Variants in SNX29 observed in about 807,000 individuals in gnomAD.
SNX29 encodes the protein sorting nexin-29.
In SNX29, 78 loss-of-function variants were observed where a neutral mutation model predicts 102.1. The ratio of observed to expected loss-of-function variants is 0.76; its 90% CI spans 0.64 to 0.92. The LOEUF (loss-of-function observed/expected upper bound fraction) is 0.92, where lower values mean the gene tolerates loss of function less well. SNX29 is among the 40% of genes least tolerant of loss of function. The pLI, the probability that SNX29 is intolerant of heterozygous loss-of-function variation, is 0.00. For synonymous variants in SNX29, 580 were observed against 414.5 expected (o/e 1.40, Z -4.85); for missense variants, 1,280 against 1,061.7 (o/e 1.21, Z -2.86).
intron 20 of SNX29, among the ~76,000 whole-genome samples, chr16:12,546,997 A>G (rs945499148): frequency 6.6e-6 from 1 of 152,098 alleles, no homozygotes; most frequent in African/African-American, 2.4e-5. Context: ...ACAGTGCACC[A>G]TTTCAGATCC....
chr16:12,355,393 G>A (rs1019342711), intron 15 of SNX29, among the ~76,000 whole-genome samples: 6 of 152,066 alleles, frequency 3.9e-5, no homozygotes, highest in Admixed American at 6.5e-5. Flanking sequence ...TATTGTTTTC[G>A]CACTGCATAC....
At chr16:12,439,406 G>C (rs537532559) in intron 18 of SNX29, among the ~76,000 whole-genome samples, 1 of 152,296 alleles carries the variant, frequency 6.6e-6, no homozygotes, top group Non-Finnish European at 1.5e-5. Context: ...TTACACTTGT[G>C]ATAAAGACAT....
At chr16:12,209,281 C>A (rs2077122923) in intron 14 of SNX29, among the ~76,000 whole-genome samples, 1 of 152,170 alleles carries the variant, frequency 6.6e-6, no homozygotes, top group Non-Finnish European at 1.5e-5. Flanking sequence ...CCTCTGCCTC[C>A]TGAGTTCAAG....
chr16:12,001,806 C>T (rs1236464148), intron 2 of SNX29, among the ~76,000 whole-genome samples: 4 of 152,004 alleles, frequency 2.6e-5, no homozygotes, highest in Admixed American at 2.0e-4. Flanking sequence ...TATCTTGAGG[C>T]CAGGGGTGTG....
chr16:12,409,160 G>C (rs2084292101), intron 18 of SNX29, among the ~76,000 whole-genome samples: 2 of 152,208 alleles, frequency 1.3e-5, no homozygotes, highest in African/African-American at 2.4e-5. Flanking sequence ...GCTGATGCGT[G>C]GCTGCTGGCA....
rs373728835 is a variant in SNX29 at position 12,044,983 on chromosome 16, A to G, written c.429-1401A>G. ...CAGTCTCAAAGTTGAAGTGACCAAC[A>G]AGAAGAAATGAGTCCAGCAGGTAAG... On this transcript the variant is annotated intron_variant, in intron 5 of 20. Transcript: ENST00000566228. 2.0e-4 allele frequency among the ~76,000 whole-genome samples: 30 copies of G among 152,322 alleles called. No homozygotes were observed. In the East Asian group the frequency reaches 5.4e-3, roughly 27 times the overall value.
At chr16:12,205,905 A>G (rs969414527) in intron 14 of SNX29, among the ~76,000 whole-genome samples, 1 of 152,222 alleles carries the variant, frequency 6.6e-6, no homozygotes, top group Non-Finnish European at 1.5e-5. Context: ...ATAAATGTTT[A>G]TAACATAAAT....
At chr16:12,154,360 G>C (rs532300632) in intron 13 of SNX29, among the ~76,000 whole-genome samples, 1 of 152,302 alleles carries the variant, frequency 6.6e-6, no homozygotes, top group South Asian at 2.1e-4. Flanking sequence ...CCCACAGTGG[G>C]AGCTGGCTTC....
intron 13 of SNX29, among the ~76,000 whole-genome samples, chr16:12,183,725 G>A (rs1295012310): frequency 1.3e-5 from 2 of 152,200 alleles, no homozygotes; most frequent in African/African-American, 2.4e-5. Context: ...GATGGTTAAG[G>A]CATTCTAAGT....
Position 12,514,959 on chromosome 16 carries a change from G to A in SNX29, c.2179-9743G>A, listed in dbSNP as rs546829937. ...AAGAAAGAGAGAAAGAAAGAAAAAA[G>A]CCCCTCTCTCGATGGGCTGCTGAGA... On this transcript the variant is annotated intron_variant, in intron 19 of 20. Coordinates refer to ENST00000566228, the MANE Select transcript of SNX29 (RefSeq NM_032167.5). 2.6e-5 allele frequency among the ~76,000 whole-genome samples: 4 copies of A among 152,114 alleles called. No individual in the cohort carries two copies. The South Asian group carries it at 8.3e-4, about 32-fold the overall frequency.
intron 10 of SNX29, among the ~76,000 whole-genome samples, chr16:12,074,661 A>G (rs1169495241): frequency 6.6e-6 from 1 of 152,104 alleles, no homozygotes; most frequent in African/African-American, 2.4e-5. Context: ...GCTCTTCTCC[A>G]GGAGTATCTT....
At chr16:12,565,049 T>C (rs2078938196) in intron 20 of SNX29, among the ~76,000 whole-genome samples, 1 of 152,174 alleles carries the variant, frequency 6.6e-6, no homozygotes, top group Non-Finnish European at 1.5e-5. Flanking sequence ...ACTGGCTTCA[T>C]TCCCCTGTAG....
chr16:12,286,906 C>G (rs192104452), intron 15 of SNX29, among the ~76,000 whole-genome samples: 439 of 152,250 alleles, frequency 2.9e-3, no homozygotes, highest in African/African-American at 0.01. Context: ...AAAAACCCCA[C>G]ATTACTGCAA....
At chr16:12,558,114 G>GAAGACCA (rs977479372) in intron 20 of SNX29, among the ~76,000 whole-genome samples, 3 of 152,200 alleles carry the variant, frequency 2.0e-5, no homozygotes, top group Admixed American at 6.5e-5. Context: ...CTGAGAATTA[G>GAAGACCA]AAGACCAGCA....
chr16:12,429,059 C>T lies in SNX29; in HGVS notation c.2037+25530C>T, dbSNP rs1219001792. 2.6e-5 allele frequency among the ~76,000 whole-genome samples: 4 copies of T among 151,856 alleles called. No homozygotes were observed. In the South Asian group the frequency reaches 6.2e-4, roughly 24 times the overall value. On this transcript the variant is annotated intron_variant, in intron 18 of 20. Coordinates refer to ENST00000566228, the MANE Select transcript of SNX29 (RefSeq NM_032167.5). ...CCTAGTTAATCCCAACACACAGATA[C>T]GATTGCAACTAATATCTCCTAGTTA...
chr16:12,440,736 C>G (rs2085761827), intron 18 of SNX29, among the ~76,000 whole-genome samples: 2 of 152,180 alleles, frequency 1.3e-5, no homozygotes, highest in South Asian at 4.1e-4. Flanking sequence ...ATAATGGCCT[C>G]TACCCCCATC....
chr16:12,557,016 C>CACCCG lies in SNX29; in HGVS notation c.2319-11490_2319-11489insACCCG, dbSNP rs1555458246. 4.2e-4 allele frequency among the ~76,000 whole-genome samples: 5 copies of CACCCG among 11,962 alleles called. 1 individual carries two copies. In the South Asian group the frequency reaches 5.8e-3, roughly 14 times the overall value. The allele number at this position is 11,962 out of a possible 152,430, so 7.8% of individuals were successfully genotyped here. On this transcript the variant is annotated intron_variant, in intron 20 of 20. Transcript: ENST00000566228. ...GTACACACCACATCTGGCTAATTTA[C>CACCCG]CCCCCCCCCGCCCCAAGATGAGGTC... is the stretch of plus-strand genomic sequence containing the variant.
In SNX29 at chr16:12,571,217, T is replaced by A. The variant is rs1330604013; in HGVS notation, c.*2588T>A. ...TCAGGCAACAAACAACTGGCAGGGTTCCCAGTTCCTGGAGTTATGGAGCAG... is the reference window on the plus strand; with the variant it reads ...TCAGGCAACAAACAACTGGCAGGGTACCCAGTTCCTGGAGTTATGGAGCAG... On this transcript the variant is annotated 3_prime_UTR_variant, in exon 21 of 21. Transcript: ENST00000566228. 4.3e-6 allele frequency: 1 copy of A among 232,192 alleles called. No individual in the cohort carries two copies. Among genetic ancestry groups the A allele is most frequent in the Non-Finnish European group, 8.5e-6 (1 of 117,476 alleles). 14.4% of individuals were successfully genotyped at this position (232,192 alleles called of 1,614,324 possible).
chr16:12,203,873 C>T (rs1252048746), intron 14 of SNX29, among the ~76,000 whole-genome samples: 2 of 152,206 alleles, frequency 1.3e-5, no homozygotes, highest in Non-Finnish European at 2.9e-5. Flanking sequence ...GTGACTTCCC[C>T]ATCCACATGT....
Sources: gnomAD v4.1 joint callset for allele counts (sites outside exome capture counted in the v4.1 genomes callset) on GRCh38, gnomAD v4.1.1 for gene constraint, MANE v1.5 for transcripts, NCBI Gene and HGNC (gene_info 2026-07-23, HGNC 2026-07-21) for gene names.